Variants in CSNK1G3 observed in about 807,000 individuals in gnomAD.
CSNK1G3 encodes the protein casein kinase 1 gamma 3.
In CSNK1G3, 23 loss-of-function variants were observed where a neutral mutation model predicts 64.3. The ratio of observed to expected loss-of-function variants is 0.36; its 90% CI spans 0.26 to 0.51. The LOEUF (loss-of-function observed/expected upper bound fraction) is 0.51. CSNK1G3 is among the 20% of genes least tolerant of loss of function. The pLI, the probability that CSNK1G3 is intolerant of heterozygous loss-of-function variation, is 0.96. For missense variants in CSNK1G3, 357 were observed against 510.5 expected (o/e 0.70, Z 2.90); for synonymous variants, 158 against 162.2 (o/e 0.97, Z 0.20).
intron 3 of CSNK1G3, among the ~76,000 whole-genome samples, chr5:123,554,244 A>AT (rs1784204361): frequency 6.6e-6 from 1 of 152,102 alleles, no homozygotes; most frequent in South Asian, 2.1e-4. Context: ...TTTAGACTGG[A>AT]TTTTACCTAG....
chr5:123,516,031 A>G (rs146551646), intron 1 of CSNK1G3, among the ~76,000 whole-genome samples: 31 of 152,192 alleles, frequency 2.0e-4, no homozygotes, highest in African/African-American at 7.5e-4. Context: ...TTAAGCCACC[A>G]ATGATCTGTT....
intron 12 of CSNK1G3, among the ~76,000 whole-genome samples, chr5:123,613,793 TAACTA>T (rs1748962815): frequency 6.6e-6 from 1 of 152,218 alleles, no homozygotes; most frequent in Admixed American, 6.5e-5. Context: ...GTTTTTACCT[TAACTA>T]AACTTTCAAT....
intron 3 of CSNK1G3, among the ~76,000 whole-genome samples, chr5:123,553,907 A>G (rs1410525202): frequency 2.0e-5 from 3 of 152,170 alleles, no homozygotes; most frequent in African/African-American, 7.2e-5. Context: ...CTAAACATTT[A>G]TCATGTCATC....
At chr5:123,592,734 A>G (rs1013869077) in intron 10 of CSNK1G3, among the ~76,000 whole-genome samples, 1 of 138,994 alleles carries the variant, frequency 7.2e-6, no homozygotes, top group Admixed American at 7.1e-5. Flanking sequence ...GTTTAACAAT[A>G]TTATGCTATA....
chr5:123,604,606 T>C (rs190214208), intron 10 of CSNK1G3, 118 bp from the exon 12 acceptor site: 57 of 527,308 alleles, frequency 1.1e-4, no homozygotes, highest in African/African-American at 9.8e-4. Flanking sequence ...ACATTAACTT[T>C]CTAATTGAAA....
rs1366923283 is a variant in CSNK1G3, at chr5:123,519,417, T to TA, written c.-248+6851dup. On this transcript the variant is annotated intron_variant, in intron 1 of 12. Coordinates refer to ENST00000345990, the Ensembl canonical transcript of CSNK1G3. The stretch of plus-strand genomic sequence containing the variant: ...TTTTCATTGGCTAACTTTGAATCAA[T>TA]AAAATAGGTGGTGAAGTTGAAAGAT... Among the ~76,000 whole-genome samples, 9 of 152,336 alleles carry TA rather than the reference T, an allele frequency of 5.9e-5. No individual in the cohort carries two copies. In the South Asian group the frequency reaches 1.9e-3, roughly 32 times the overall value.
At chr5:123,543,795 A>T (rs904033934) in intron 1 of CSNK1G3, among the ~76,000 whole-genome samples, 1 of 152,184 alleles carries the variant, frequency 6.6e-6, no homozygotes, top group Non-Finnish European at 1.5e-5. Context: ...ACAGGCAGAG[A>T]TGTTCAGTAT....
At chr5:123,573,974 C>T (rs1047683733) in intron 5 of CSNK1G3, among the ~76,000 whole-genome samples, 5 of 151,716 alleles carry the variant, frequency 3.3e-5, no homozygotes, top group East Asian at 3.9e-4. Flanking sequence ...CTCAGCCTCC[C>T]GAGTAGCTGG....
chr5:123,553,263 A>T, intron 3 of CSNK1G3, 116 bp downstream of exon 3: 1 of 491,872 alleles, frequency 2.0e-6, no homozygotes. Context: ...TTTATTTGAC[A>T]GTTATATGCA....
chr5:123,576,288 A>T (rs770792244), intron 6 of CSNK1G3, among the ~76,000 whole-genome samples: 2 of 152,128 alleles, frequency 1.3e-5, no homozygotes, highest in Admixed American at 6.5e-5. Flanking sequence ...ACCAAATTTT[A>T]ACTGAATTCA....
intron 6 of CSNK1G3, among the ~76,000 whole-genome samples, chr5:123,583,473 G>T (rs1250128829): frequency 6.6e-6 from 1 of 151,766 alleles, no homozygotes; most frequent in African/African-American, 2.4e-5. Flanking sequence ...CGATTCTCCT[G>T]CCTCAGCCTC....
At chr5:123,578,455 G>A (rs892460051) in intron 6 of CSNK1G3, among the ~76,000 whole-genome samples, 1 of 151,826 alleles carries the variant, frequency 6.6e-6, no homozygotes, top group Non-Finnish European at 1.5e-5. Flanking sequence ...TTTGAAAAGT[G>A]TGTGTCATTT....
intron 1 of CSNK1G3, among the ~76,000 whole-genome samples, chr5:123,536,661 A>T (rs1472787791): frequency 6.6e-6 from 1 of 152,092 alleles, no homozygotes; most frequent in Non-Finnish European, 1.5e-5. Context: ...ATCACCATGT[A>T]CCCCATAAAT....
chr5:123,594,930 A>G (rs906007134), intron 10 of CSNK1G3, 109 bp from the exon 11 acceptor site: 12 of 805,352 alleles, frequency 1.5e-5, no homozygotes, highest in Admixed American at 2.7e-5. Context: ...TAGTAAGGGT[A>G]TTTTAAATTT....
intron 4 of CSNK1G3, among the ~76,000 whole-genome samples, chr5:123,559,154 A>T (rs2150441573): frequency 6.6e-6 from 1 of 152,288 alleles, no homozygotes. Flanking sequence ...CTCAAGTTAG[A>T]TCAAATGCTT....
In CSNK1G3 at chr5:123,557,587, A is replaced by G. The variant is rs768974149; in HGVS notation, c.289+23A>G. On this transcript the variant is annotated intron_variant, in intron 4 of 12. Transcript: ENST00000345990. ...GAGGTAAAGTCTTATATTAATTTTT[A>G]AATTTGAAATAAAGTGGATTGTCAT... 7 of 1,442,562 alleles carry G rather than the reference A, an allele frequency of 4.9e-6. No homozygotes were observed. In the Admixed American group the frequency reaches 6.3e-5, roughly 13 times the overall value. The allele number at this position is 1,442,562 out of a possible 1,614,324, so 89.4% of individuals were successfully genotyped here.
At chr5:123,566,669 G>T (rs1786946943) in intron 4 of CSNK1G3, among the ~76,000 whole-genome samples, 1 of 152,044 alleles carries the variant, frequency 6.6e-6, no homozygotes, top group South Asian at 2.1e-4. Flanking sequence ...AAAAATTTAA[G>T]TTGTTTGCTC....
intron 10 of CSNK1G3, among the ~76,000 whole-genome samples, chr5:123,598,633 G>A (rs1252395733): frequency 1.3e-5 from 2 of 152,106 alleles, no homozygotes; most frequent in African/African-American, 4.8e-5. Flanking sequence ...TATTGAGGAA[G>A]CTGATTTAGT....
At chr5:123,562,840 C>G (rs907175035) in intron 4 of CSNK1G3, among the ~76,000 whole-genome samples, 1 of 151,964 alleles carries the variant, frequency 6.6e-6, no homozygotes, top group African/African-American at 2.4e-5. Context: ...ACTCAGCCAT[C>G]TAAAATTAGT....
Sources: allele counts gnomAD v4.1 joint callset (sites outside exome capture counted in the v4.1 genomes callset), GRCh38; gene constraint gnomAD v4.1.1; transcripts MANE v1.5; gene names NCBI Gene and HGNC (gene_info 2026-07-23, HGNC 2026-07-21).